The following SYT10 variants were observed in gnomAD, a reference collection of about 807,000 sequenced individuals.
The protein encoded by SYT10 is synaptotagmin 10.
Under a neutral mutation model 51.1 loss-of-function variants are expected in SYT10, and 31 were observed. The observed-to-expected ratio is 0.61, with a 90% CI of 0.46 to 0.82. The LOEUF (loss-of-function observed/expected upper bound fraction) is 0.82. Ranked by LOEUF, SYT10 falls within the 40% of genes least tolerant of loss-of-function variation. SYT10 has a pLI of 0.00. For synonymous variants in SYT10, 233 were observed against 225.9 expected, an observed-to-expected ratio of 1.03 and a Z score of -0.28; for missense variants, 603 against 634.0, an observed-to-expected ratio of 0.95 and a Z score of 0.53.
intron 2 of SYT10, among the ~76,000 whole-genome samples, chr12:33,412,391 TA>T (rs147662030): frequency 0.11 from 17,248 of 151,618 alleles, 1,082 homozygotes; most frequent in Admixed American, 0.17. Flanking sequence ...ACAACACAGA[TA>T]TTTTTTTTCT....
intron 1 of SYT10, among the ~76,000 whole-genome samples, chr12:33,435,479 T>C (rs1866631140): frequency 1.3e-5 from 2 of 152,158 alleles, no homozygotes; most frequent in South Asian, 2.1e-4. Context: ...GGAGTGACAA[T>C]GTGGAGGAAG....
intron 1 of SYT10, among the ~76,000 whole-genome samples, chr12:33,427,282 G>A (rs1866561000): frequency 6.6e-6 from 1 of 152,028 alleles, no homozygotes; most frequent in Non-Finnish European, 1.5e-5. Context: ...ACCATGTGAG[G>A]GCATAGCAAG....
chr12:33,439,769 C>G lies in SYT10; in HGVS notation c.-247G>C, dbSNP rs1264752898. ...GCCGCGAGGTTTGCGCCAACTCTCC[C>G]GCCGCGCGAGCGAGCCGAGGCGCGC... On this transcript the variant is annotated 5_prime_UTR_variant, in exon 1 of 7. Transcript: ENST00000228567. 1.0e-5 allele frequency: 5 copies of G among 496,662 alleles called. No homozygotes were observed. The highest frequency in any genetic ancestry group is 1.8e-5 in the Non-Finnish European group (5 of 282,246). 30.8% of individuals were successfully genotyped at this position (496,662 alleles called of 1,614,324 possible). A position where few individuals can be genotyped will look rare whatever the true frequency, so the allele number is the denominator to read the frequency against.
intron 6 of SYT10, among the ~76,000 whole-genome samples, chr12:33,377,517 G>GA (rs1866073402): frequency 6.6e-6 from 1 of 152,052 alleles, no homozygotes; most frequent in Non-Finnish European, 1.5e-5. Flanking sequence ...AGCCCCAAGT[G>GA]ACAGAGATAC....
chr12:33,412,686 G>A (rs1395468888), intron 2 of SYT10, among the ~76,000 whole-genome samples: 7 of 152,136 alleles, frequency 4.6e-5, no homozygotes, highest in African/African-American at 1.4e-4. Context: ...CGATCTGTAC[G>A]TCACCATCAT....
In SYT10 at chr12:33,376,698, A is replaced by C; in HGVS notation, c.*132T>G. 1.0e-6 allele frequency: 1 copy of C among 980,268 alleles called. No individual in the cohort carries two copies. The highest frequency in any genetic ancestry group is 2.8e-4 in the Middle Eastern group (1 of 3,616). 60.7% of individuals were successfully genotyped at this position (980,268 alleles called of 1,614,324 possible). The stretch of plus-strand genomic sequence containing the variant: ...AAAAAATCAACAATAAAAGCAAATA[A>C]AAAAGTGCACATCAAGTTTGTTCAT... On this transcript the variant is annotated 3_prime_UTR_variant, in exon 7 of 7. Coordinates refer to ENST00000228567, the MANE Select transcript of SYT10 (RefSeq NM_198992.4).
intron 5 of SYT10, among the ~76,000 whole-genome samples, chr12:33,380,559 T>C (rs1313186972): frequency 6.6e-6 from 1 of 152,226 alleles, no homozygotes; most frequent in Non-Finnish European, 1.5e-5. Flanking sequence ...TTCATAGCAA[T>C]GAATCAAGAT....
At chr12:33,382,231 T>TG in intron 5 of SYT10, 118 bp downstream of exon 5, 1 of 964,420 alleles carries the variant, frequency 1.0e-6, no homozygotes, top group Admixed American at 3.5e-5. Context: ...AAGGAATCAT[T>TG]ATTCCCTCCT....
intron 1 of SYT10, among the ~76,000 whole-genome samples, chr12:33,437,821 C>G (rs1488746974): frequency 6.6e-6 from 1 of 152,076 alleles, no homozygotes; most frequent in African/African-American, 2.4e-5. Flanking sequence ...AGCAACGATA[C>G]GCACGACACA....
chr12:33,432,940 A>C (rs1866608843), intron 1 of SYT10: 1 of 152,118 alleles, frequency 6.6e-6, no homozygotes, highest in Non-Finnish European at 1.5e-5. Context: ...ACGTGTAAAG[A>C]GTTTTATTAA....
At position 33,426,396 on chromosome 12, in the gene SYT10, C is replaced by T. The variant is rs200868790; in HGVS notation, c.251G>A (p.Trp84Ter). 2.5e-5 allele frequency: 40 copies of T among 1,614,020 alleles called. No individual in the cohort carries two copies. Among genetic ancestry groups the T allele is most frequent in the Admixed American group, 1.7e-5 (1 of 59,990 alleles). The change falls in exon 2 of 7, where the codon TGG (tryptophan) becomes TAG (stop). Residue 84 changes from tryptophan to a stop codon, truncating the protein, a stop_gained. Transcript: ENST00000228567. LOFTEE classifies it high-confidence loss of function. ...GTTGGAAGTCACAGGTTTGCTTTTC[C>T]AGCATGGCCAACACAGCTTCCAGAA... The part of the protein sequence containing the change: ...FVFWKLCWPC[W>*]KSKPVTSNIT...
At chr12:33,393,023 ACC>A (rs1866223774) in intron 3 of SYT10, among the ~76,000 whole-genome samples, 1 of 143,454 alleles carries the variant, frequency 7.0e-6, no homozygotes, top group South Asian at 2.2e-4. Context: ...AATTGCAAAA[ACC>A]GCAATTACTT....
At chr12:33,377,917 C>T (rs1432100142) in intron 6 of SYT10, among the ~76,000 whole-genome samples, 7 of 152,186 alleles carry the variant, frequency 4.6e-5, no homozygotes, top group East Asian at 1.9e-4. Context: ...CGTGAGCCAC[C>T]GCACCCGGTT....
At chr12:33,386,250 G>A (rs2138388876) in intron 3 of SYT10, among the ~76,000 whole-genome samples, 1 of 152,208 alleles carries the variant, frequency 6.6e-6, no homozygotes, top group Non-Finnish European at 1.5e-5. Context: ...CTCAAGTGAT[G>A]TGCCCACCTC....
At position 33,417,442 on chromosome 12, in the gene SYT10, C is replaced by T. The variant is rs541263941; in HGVS notation, c.509+8696G>A. Among the ~76,000 whole-genome samples the T allele has an allele frequency of 3.9e-3, 599 of 152,256 alleles. 3 individuals are homozygous for T. The highest frequency in any genetic ancestry group is 0.014 in the African/African-American group (567 of 41,544). ...GTCCTCACCGGCAAGAAGACCCTTG[C>T]CAGATGTGGCCCCTCAACAAGGGAC... On this transcript the variant is annotated intron_variant, in intron 2 of 6. Transcript: ENST00000228567.
chr12:33,405,090 T>C (rs1866341322), intron 3 of SYT10: 1 of 152,160 alleles, frequency 6.6e-6, no homozygotes, highest in African/African-American at 2.4e-5. Context: ...TATTTACCTC[T>C]GAGCCTGAAT....
rs373447513 is a variant in SYT10, at chr12:33,407,071, T to C, written c.795A>G (p.Gly265=). Residue 265 remains glycine, a synonymous_variant, in exon 3 of 7, where the codon GGA becomes GGG. Coordinates refer to ENST00000228567, the MANE Select transcript of SYT10 (RefSeq NM_198992.4). ...ACATCTTCACATAAGGGTCAGAAGT[T>C]CCTGTGAAGTCTTTAGCAGGGAGAT... ...ALDLPAKDFT[G]TSDPYVKMYL... 92 of 1,614,144 alleles carry C rather than the reference T, an allele frequency of 5.7e-5. No individual in the cohort carries two copies. In the Middle Eastern group the frequency reaches 2.3e-3, roughly 41 times the overall value.
intron 5 of SYT10, among the ~76,000 whole-genome samples, chr12:33,381,775 C>T: frequency 6.6e-6 from 1 of 152,082 alleles, no homozygotes. Context: ...GCAGGAGTGA[C>T]TCAAAGAGTG....
intron 2 of SYT10, among the ~76,000 whole-genome samples, chr12:33,424,755 G>A (rs1866535599): frequency 6.8e-6 from 1 of 146,188 alleles, no homozygotes; most frequent in South Asian, 2.1e-4. Flanking sequence ...TAAATATATA[G>A]TTCAATAAAT....
Sources: gnomAD v4.1 joint callset for allele counts (sites outside exome capture counted in the v4.1 genomes callset) on GRCh38, gnomAD v4.1.1 for gene constraint, MANE v1.5 for transcripts, NCBI Gene and HGNC (gene_info 2026-07-23, HGNC 2026-07-21) for gene names.